The following ITPR2 variants were observed in gnomAD, a reference collection of about 807,000 sequenced individuals.
ITPR2 encodes the protein inositol 1,4,5-trisphosphate receptor type 2.
Under a neutral mutation model 317.1 loss-of-function variants are expected in ITPR2, and 207 were observed. That is an observed-to-expected ratio of 0.65 (90% confidence interval 0.58 to 0.73). The LOEUF (loss-of-function observed/expected upper bound fraction) is 0.73. ITPR2 is among the 30% of genes least tolerant of loss of function. The probability of loss-of-function intolerance (pLI) is 0.00; values close to 1 mark genes in which losing one functional copy is unlikely to be tolerated. For missense variants in ITPR2, 2,613 were observed against 3,284.0 expected, an observed-to-expected ratio of 0.80 and a Z score of 4.99; for synonymous variants, 1,156 against 1,149.1, an observed-to-expected ratio of 1.01 and a Z score of -0.12.
intron 4 of ITPR2, among the ~76,000 whole-genome samples, chr12:26,723,003 T>C (rs1043754736): frequency 6.6e-6 from 1 of 152,160 alleles, no homozygotes; most frequent in Admixed American, 6.5e-5. Context: ...CAGTCAGCCC[T>C]GATTCTTCCT....
intron 55 of ITPR2, among the ~76,000 whole-genome samples, chr12:26,344,217 T>C (rs549936518): frequency 3.9e-5 from 6 of 152,190 alleles, no homozygotes; most frequent in Non-Finnish European, 8.8e-5. Context: ...GTCTCACGTA[T>C]TCTGTTACAG....
intron 9 of ITPR2, among the ~76,000 whole-genome samples, chr12:26,707,589 T>C (rs1948575223): frequency 6.6e-6 from 1 of 152,226 alleles, no homozygotes; most frequent in Non-Finnish European, 1.5e-5. Flanking sequence ...TGAAGTGCAA[T>C]GGCACGATCT....
intron 11 of ITPR2, 98 bp downstream of exon 11, chr12:26,686,383 C>T (rs1008655088): frequency 1.4e-6 from 1 of 732,450 alleles, no homozygotes; most frequent in Non-Finnish European, 2.0e-6. Context: ...ATGTTTGCTC[C>T]CTTGATATCA....
chr12:26,576,375 CTTT>C (rs1945276670), intron 34 of ITPR2, among the ~76,000 whole-genome samples: 1 of 152,168 alleles, frequency 6.6e-6, no homozygotes, highest in Non-Finnish European at 1.5e-5. Flanking sequence ...CGTTCTCTTT[CTTT>C]ATTTCTCCTT....
At chr12:26,657,138 T>C (rs867107530) in intron 18 of ITPR2, among the ~76,000 whole-genome samples, 1 of 152,216 alleles carries the variant, frequency 6.6e-6, no homozygotes. Context: ...GGCTTCTGCC[T>C]TGGGTTTCTA....
At chr12:26,595,859 T>C (rs1433555838) in intron 31 of ITPR2, among the ~76,000 whole-genome samples, 2 of 152,208 alleles carry the variant, frequency 1.3e-5, no homozygotes, top group Non-Finnish European at 2.9e-5. Flanking sequence ...ATATTTGAGA[T>C]ACAAGGAGTC....
chr12:26,484,342 A>G (rs1942614054), intron 41 of ITPR2, among the ~76,000 whole-genome samples: 1 of 152,122 alleles, frequency 6.6e-6, no homozygotes, highest in Admixed American at 6.5e-5. Flanking sequence ...ATAATCTCAT[A>G]TGAACAGTGC....
chr12:26,791,697 C>T (rs1270101365), intron 1 of ITPR2, among the ~76,000 whole-genome samples: 1 of 152,064 alleles, frequency 6.6e-6, no homozygotes, highest in Non-Finnish European at 1.5e-5. Flanking sequence ...TCTCTAGAAA[C>T]TGATTTATTA....
At chr12:26,599,423 G>T in intron 29 of ITPR2, 78 bp from the exon 30 acceptor site, 2 of 1,256,298 alleles carry the variant, frequency 1.6e-6, no homozygotes, top group Non-Finnish European at 2.3e-6. Context: ...TAATTGCCCT[G>T]CTTGTGATCA....
intron 26 of ITPR2, among the ~76,000 whole-genome samples, chr12:26,609,463 C>T (rs1004471571): frequency 6.6e-6 from 1 of 152,112 alleles, no homozygotes; most frequent in East Asian, 1.9e-4. Context: ...AAAAATCAGC[C>T]AGGCGTGGTG....
At chr12:26,432,939 G>A (rs7955414) in intron 48 of ITPR2, among the ~76,000 whole-genome samples, 25,382 of 152,098 alleles carry the variant, frequency 0.17, 2,368 homozygotes, top group East Asian at 0.23. Context: ...GCATACAGTC[G>A]TTCAGCCTGT....
At chr12:26,782,030 ATATG>A (rs71069267) in intron 2 of ITPR2, among the ~76,000 whole-genome samples, 351 of 25,524 alleles carry the variant, frequency 0.014, 8 homozygotes, top group South Asian at 0.018. Context: ...ATATATATAT[ATATG>A]TATAGAGAGA....
chr12:26,574,226 A>C lies in ITPR2; in HGVS notation c.4630+4487T>G, dbSNP rs1479729343. Among the ~76,000 whole-genome samples the C allele has an allele frequency of 2.6e-5, 4 of 152,150 alleles. No individual in the cohort carries two copies. In the South Asian group the frequency reaches 6.2e-4, roughly 24 times the overall value. On this transcript the variant is annotated intron_variant, in intron 34 of 56. Coordinates refer to ENST00000381340, the MANE Select transcript of ITPR2 (RefSeq NM_002223.4). ...CTTTGGGAACCTGTTAAAAAAAAAA[A>C]AAAACAGCCTATTCTAACCTTCAAA...
At chr12:26,375,615 A>G (rs1939314003) in intron 55 of ITPR2, among the ~76,000 whole-genome samples, 1 of 152,338 alleles carries the variant, frequency 6.6e-6, no homozygotes. Flanking sequence ...ATTATTAAAT[A>G]ACAGGGATAG....
intron 45 of ITPR2, among the ~76,000 whole-genome samples, chr12:26,465,076 G>A (rs1942135923): frequency 6.6e-6 from 1 of 152,252 alleles, no homozygotes; most frequent in Non-Finnish European, 1.5e-5. Context: ...TTAAAGTCAT[G>A]TGACTAAGTG....
chr12:26,785,687 C>T (rs1275773201), intron 2 of ITPR2, among the ~76,000 whole-genome samples: 2 of 30,418 alleles, frequency 6.6e-5, no homozygotes, highest in Admixed American at 7.5e-4. Flanking sequence ...CCAGCCGCCC[C>T]GTCCGGGAGG....
rs953852737 is a variant in ITPR2 at position 26,395,116 on chromosome 12, C to A, written c.7696+3760G>T. 2.6e-5 allele frequency among the ~76,000 whole-genome samples: 4 copies of A among 151,998 alleles called. No homozygotes were observed. The East Asian group carries it at 7.7e-4, about 29-fold the overall frequency. On this transcript the variant is annotated intron_variant, in intron 54 of 56. Transcript: ENST00000381340. ...AGCCTGGGGAAAGGTTGGAGCTGAG[C>A]ATGCATACTTGGCAATAATCTACAT... is the stretch of plus-strand genomic sequence containing the variant.
chr12:26,792,996 A>G (rs1276454207), intron 1 of ITPR2, among the ~76,000 whole-genome samples: 1 of 152,198 alleles, frequency 6.6e-6, no homozygotes, highest in Non-Finnish European at 1.5e-5. Flanking sequence ...TCTTTCTGAT[A>G]CTAAACTTAC....
chr12:26,418,912 T>C, intron 50 of ITPR2, 137 bp downstream of exon 50: 2 of 700,062 alleles, frequency 2.9e-6, no homozygotes, highest in Non-Finnish European at 4.3e-6. Context: ...ACGCTTTTCC[T>C]AGGAAATTCT....
Sources: gnomAD v4.1 joint callset for allele counts (sites outside exome capture counted in the v4.1 genomes callset) on GRCh38, gnomAD v4.1.1 for gene constraint, MANE v1.5 for transcripts, NCBI Gene and HGNC (gene_info 2026-07-23, HGNC 2026-07-21) for gene names.